TANC2: variants seen among roughly 807,000 people sequenced by gnomAD.
TANC2 encodes the protein tetratricopeptide repeat, ankyrin repeat and coiled-coil containing 2, also known as protein TANC2.
In TANC2, 26 loss-of-function variants were observed where a neutral mutation model predicts 210.5. The observed-to-expected ratio is 0.12, with a 90% CI of 0.09 to 0.17. TANC2 has a LOEUF of 0.17. Ranked by LOEUF, TANC2 falls within the 10% of genes least tolerant of loss-of-function variation. The pLI, the probability that TANC2 is intolerant of heterozygous loss-of-function variation, is 1.00. For synonymous variants in TANC2, 931 were observed against 967.1 expected, an observed-to-expected ratio of 0.96 and a Z score of 0.69; for missense variants, 2,129 against 2,608.9, an observed-to-expected ratio of 0.82 and a Z score of 4.01.
At chr17:63,256,106 A>G (rs1198517250) in intron 8 of TANC2, among the ~76,000 whole-genome samples, 1 of 151,824 alleles carries the variant, frequency 6.6e-6, no homozygotes, top group Admixed American at 6.6e-5. Flanking sequence ...GGGTTTCACC[A>G]TGTTGGCCAG....
chr17:63,298,803 G>A (rs117745276), intron 9 of TANC2, among the ~76,000 whole-genome samples: 1 of 152,086 alleles, frequency 6.6e-6, no homozygotes, highest in African/African-American at 2.4e-5. Context: ...TGCAGAACTT[G>A]TAGGGTTGTT....
At chr17:63,081,390 C>T (rs72843185) in intron 3 of TANC2, among the ~76,000 whole-genome samples, 4,229 of 152,286 alleles carry the variant, frequency 0.028, 88 homozygotes, top group Non-Finnish European at 0.046. Flanking sequence ...GTTCCACTCT[C>T]CTAAAGTAAC....
intron 11 of TANC2, among the ~76,000 whole-genome samples, chr17:63,328,831 T>G (rs2045742645): frequency 6.6e-6 from 1 of 152,296 alleles, no homozygotes; most frequent in Non-Finnish European, 1.5e-5. Context: ...GTGATACATG[T>G]CAATTAGCTT....
intron 2 of TANC2, among the ~76,000 whole-genome samples, chr17:63,028,631 A>G (rs947810006): frequency 2.6e-5 from 4 of 152,140 alleles, no homozygotes; most frequent in African/African-American, 9.7e-5. Flanking sequence ...CAGCTTTTAC[A>G]TTGGAGTTTC....
chr17:63,110,770 C>T (rs1346600085), intron 4 of TANC2, among the ~76,000 whole-genome samples: 2 of 152,168 alleles, frequency 1.3e-5, no homozygotes, highest in East Asian at 1.9e-4. Flanking sequence ...AATTTCAACA[C>T]CTGAATTTTG....
At chr17:63,194,846 GT>G (rs1555602979) in intron 6 of TANC2, among the ~76,000 whole-genome samples, 1 of 151,632 alleles carries the variant, frequency 6.6e-6, no homozygotes, top group Non-Finnish European at 1.5e-5. Context: ...ATATTTTATA[GT>G]TTTCTTTCTT....
chr17:63,086,122 T>G (rs1343847722), intron 3 of TANC2, among the ~76,000 whole-genome samples: 1 of 152,108 alleles, frequency 6.6e-6, no homozygotes, highest in Non-Finnish European at 1.5e-5. Context: ...TTTGCTTTCC[T>G]GTAGGTAAGG....
chr17:63,186,005 A>C (rs2040969836), intron 5 of TANC2, among the ~76,000 whole-genome samples: 1 of 152,166 alleles, frequency 6.6e-6, no homozygotes, highest in African/African-American at 2.4e-5. Flanking sequence ...CTAGGTCATA[A>C]AGTTACACTA....
exon 28 of TANC2, chr17:63,422,200 C>T (rs1010847437): frequency 2.2e-5 from 10 of 449,418 alleles, no homozygotes; most frequent in South Asian, 3.2e-5. Flanking sequence ...CAGATGCCAA[C>T]GAGGAGATTT....
intron 2 of TANC2, among the ~76,000 whole-genome samples, chr17:63,023,339 G>A (rs988784277): frequency 2.6e-5 from 4 of 152,162 alleles, no homozygotes; most frequent in African/African-American, 4.8e-5. Context: ...CACATAGAGC[G>A]AAAGATTATT....
intron 14 of TANC2, among the ~76,000 whole-genome samples, chr17:63,365,659 A>T (rs1052747542): frequency 1.3e-5 from 2 of 151,986 alleles, no homozygotes; most frequent in Non-Finnish European, 1.5e-5. Flanking sequence ...TCTTATTCAC[A>T]ATTTTCTGCC....
chr17:63,099,478 A>G (rs1272912204), intron 4 of TANC2, 121 bp downstream of exon 4: 3 of 598,808 alleles, frequency 5.0e-6, no homozygotes, highest in African/African-American at 4.5e-5. Flanking sequence ...TCCTAATGTC[A>G]CAGACTCTTG....
intron 9 of TANC2, among the ~76,000 whole-genome samples, chr17:63,297,284 T>C (rs1328742327): frequency 1.3e-5 from 2 of 152,126 alleles, no homozygotes. Context: ...AGAACAAAGT[T>C]GGAAGTGTCA....
At chr17:63,170,228 C>T (rs1249783862) in intron 5 of TANC2, among the ~76,000 whole-genome samples, 2 of 150,684 alleles carry the variant, frequency 1.3e-5, no homozygotes, top group Admixed American at 6.6e-5. Flanking sequence ...AGATTGAGAC[C>T]ATCCTGGCTA....
At chr17:63,374,025 G>C (rs1208085114) in intron 14 of TANC2, among the ~76,000 whole-genome samples, 1 of 120,350 alleles carries the variant, frequency 8.3e-6, no homozygotes, top group Non-Finnish European at 1.7e-5. Context: ...TTTTTCAGTT[G>C]TTGTTGGTTT....
In TANC2 at chr17:63,188,919, G is replaced by A. The variant is rs779213733; in HGVS notation, c.434-5072G>A. 3.3e-5 allele frequency among the ~76,000 whole-genome samples: 5 copies of A among 149,512 alleles called. No homozygotes were observed. The East Asian group carries it at 5.9e-4, about 18-fold the overall frequency. On this transcript the variant is annotated intron_variant, in intron 5 of 27. Transcript: ENST00000689528. ...ACCCCCCCCCAAAAAAAAATGTCCC[G>A]TGCCCATTCACAGTCACTCCCCACA...
intron 4 of TANC2, among the ~76,000 whole-genome samples, chr17:63,109,805 G>C (rs2037965443): frequency 6.6e-6 from 1 of 151,644 alleles, no homozygotes; most frequent in South Asian, 2.1e-4. Context: ...TTAACTGTCA[G>C]TTCTCTAATT....
At chr17:63,002,176 T>A (rs979810662) in intron 1 of TANC2, among the ~76,000 whole-genome samples, 3 of 152,144 alleles carry the variant, frequency 2.0e-5, no homozygotes, top group African/African-American at 7.2e-5. Flanking sequence ...GAAGCTGGTC[T>A]TTTGTATCTC....
chr17:63,233,557 G>A (rs144558407), intron 7 of TANC2, among the ~76,000 whole-genome samples: 1 of 152,332 alleles, frequency 6.6e-6, no homozygotes, highest in Non-Finnish European at 1.5e-5. Flanking sequence ...CAACTGCCTA[G>A]TCAGTCCCAA....
Sources: allele counts gnomAD v4.1 joint callset (sites outside exome capture counted in the v4.1 genomes callset), GRCh38; gene constraint gnomAD v4.1.1; transcripts MANE v1.5; gene names NCBI Gene and HGNC (gene_info 2026-07-23, HGNC 2026-07-21).